TTC21B: variants seen among roughly 807,000 people sequenced by gnomAD.
TTC21B encodes tetratricopeptide repeat domain 21B, also known as tetratricopeptide repeat protein 21B.
TTC21B carries 127 observed loss-of-function variants against 175.1 expected under a neutral mutation model. The ratio of observed to expected loss-of-function variants is 0.73; its 90% confidence interval spans 0.63 to 0.84. The LOEUF (loss-of-function observed/expected upper bound fraction) is 0.84. Ranked by LOEUF, TTC21B falls within the 40% of genes least tolerant of loss-of-function variation. The pLI, the probability that TTC21B is intolerant of heterozygous loss-of-function variation, is 0.00. For missense variants in TTC21B, 1,561 were observed against 1,558.3 expected (o/e 1.00, Z -0.03); for synonymous variants, 524 against 524.5 (o/e 1.00, Z 0.01).
intron 25 of TTC21B, among the ~76,000 whole-genome samples, chr2:165,887,455 G>A (rs1202544265): frequency 3.3e-5 from 5 of 152,046 alleles, no homozygotes; most frequent in African/African-American, 1.2e-4. Context: ...GGAGGAGGCC[G>A]AGATAGGCGG....
intron 19 of TTC21B, among the ~76,000 whole-genome samples, chr2:165,904,331 T>C (rs1403280233): frequency 1.3e-5 from 2 of 152,156 alleles, no homozygotes; most frequent in African/African-American, 4.8e-5. Flanking sequence ...ATTTTAATGA[T>C]ATCATAAACT....
At chr2:165,878,639 C>G (rs1684745688) in intron 27 of TTC21B, among the ~76,000 whole-genome samples, 1 of 150,514 alleles carries the variant, frequency 6.6e-6, no homozygotes, top group Non-Finnish European at 1.5e-5. Context: ...CTTATAGTGA[C>G]AATATTCAAC....
At position 165,911,753 on chromosome 2, in the gene TTC21B, T is replaced by C. The variant is rs7557256; in HGVS notation, c.2323-288A>G. Among the ~76,000 whole-genome samples, 150,814 of 151,964 alleles carry C rather than the reference T, an allele frequency of 0.99. 74,840 individuals are homozygous for C. The highest frequency in any genetic ancestry group is 1 in the Middle Eastern group (294 of 294). ...TCTCAGCTCACTGCAACCTCTGCCT[T>C]CCAAGTTCAAGCAATTCTCCTGCCT... On this transcript the variant is annotated intron_variant, in intron 17 of 28. Transcript: ENST00000243344.
At chr2:165,885,229 A>C (rs1234992438) in intron 25 of TTC21B, among the ~76,000 whole-genome samples, 1 of 152,218 alleles carries the variant, frequency 6.6e-6, no homozygotes, top group Non-Finnish European at 1.5e-5. Context: ...GTATACTATA[A>C]GATAGCAAAT....
intron 22 of TTC21B, among the ~76,000 whole-genome samples, chr2:165,897,190 AG>A (rs1263599551): frequency 6.6e-6 from 1 of 152,222 alleles, no homozygotes; most frequent in Non-Finnish European, 1.5e-5. Context: ...TAGAATTTTC[AG>A]GGGTATCTCT....
Position 165,900,679 on chromosome 2 carries a change from TA to T in TTC21B, c.2758-800del, listed in dbSNP as rs200829519. Among the ~76,000 whole-genome samples the T allele has an allele frequency of 9.7e-3, 1,476 of 152,296 alleles. 24 individuals carry two copies. Among genetic ancestry groups the T allele is most frequent in the African/African-American group, 0.034 (1,401 of 41,572 alleles). On this transcript the variant is annotated intron_variant, in intron 20 of 28. Transcript: ENST00000243344. ...AAATACAGAGTGTACAACAGCTGTT[TA>T]GTAAAAGGAACTGAATTATCTAAAT...
chr2:165,906,099 A>G (rs995084735), intron 19 of TTC21B, among the ~76,000 whole-genome samples: 4 of 152,234 alleles, frequency 2.6e-5, no homozygotes, highest in African/African-American at 9.6e-5. Context: ...TCCAAGAAGC[A>G]ATCAAAGTGA....
intron 26 of TTC21B, among the ~76,000 whole-genome samples, chr2:165,882,567 C>T (rs189479777): frequency 1.3e-4 from 20 of 152,232 alleles, no homozygotes; most frequent in Non-Finnish European, 2.1e-4. Context: ...TAGCTTCCTT[C>T]ATCATCTGGT....
At chr2:165,882,739 A>C (rs1684877689) in intron 26 of TTC21B, among the ~76,000 whole-genome samples, 1 of 152,224 alleles carries the variant, frequency 6.6e-6, no homozygotes, top group Non-Finnish European at 1.5e-5. Flanking sequence ...AAGCTTCTAA[A>C]GCAGCCATCA....
Position 165,876,171 on chromosome 2 carries a change from A to G in TTC21B, c.3867T>C (p.Cys1289=). 6.3e-7 allele frequency: 1 copy of G among 1,593,196 alleles called. No individual in the cohort carries two copies. Among genetic ancestry groups the G allele is most frequent in the Non-Finnish European group, 8.6e-7 (1 of 1,163,190 alleles). ...AKRYVDSIDI[C]HQVLEAHPTY... is the part of the protein sequence containing the mutation. Reference sequence around the variant, plus strand: ...TCTAAATTTAAGTGTTTACCTGGTGACATATGTCAATTGAATCCACATATC... The same window carrying G: ...TCTAAATTTAAGTGTTTACCTGGTGGCATATGTCAATTGAATCCACATATC... Residue 1289 remains cysteine (C), a synonymous_variant, in exon 28 of 29, where the codon TGT becomes TGC. Coordinates refer to ENST00000243344, the MANE Select transcript of TTC21B (RefSeq NM_024753.5).
intron 19 of TTC21B, among the ~76,000 whole-genome samples, chr2:165,904,255 C>A: frequency 6.6e-6 from 1 of 152,108 alleles, no homozygotes; most frequent in Non-Finnish European, 1.5e-5. Context: ...TCATGTGATT[C>A]AGAAAATAAG....
At chr2:165,947,521 A>G (rs1188927798) in intron 3 of TTC21B, 1 of 151,974 alleles carries the variant, frequency 6.6e-6, no homozygotes, top group Non-Finnish European at 1.5e-5. Context: ...GTGTTCATTA[A>G]ACAGCCATGA....
rs1183178699 is a variant in TTC21B, at chr2:165,927,047, TATATATATATATCCTA to T, written c.1386+2072_1386+2087del. Among the ~76,000 whole-genome samples the T allele has an allele frequency of 4.1e-4, 39 of 95,674 alleles. 9 individuals are homozygous for T. Among genetic ancestry groups the T allele is most frequent in the African/African-American group, 1.8e-3 (39 of 21,266 alleles). The allele number at this position is 95,674 out of a possible 152,430, so 62.8% of individuals were successfully genotyped here. A position where few individuals can be genotyped will look rare whatever the true frequency, so the allele number is the denominator to read the frequency against. On this transcript the variant is annotated intron_variant, in intron 11 of 28. Transcript: ENST00000243344. ...TAGTAGTTATATATATATATATGTGTATATATATATATCCTAGTAGATATATATATATATATATCCT... is the reference window on the plus strand; with the variant it reads ...TAGTAGTTATATATATATATATGTGTGTAGATATATATATATATATATCCT...
chr2:165,915,485 A>C (rs926469361), intron 14 of TTC21B, 46 bp from the exon 15 acceptor site: 1 of 1,376,928 alleles, frequency 7.3e-7, no homozygotes, highest in African/African-American at 1.4e-5. Context: ...AATAGTGAAC[A>C]AATAACACTA....
intron 19 of TTC21B, among the ~76,000 whole-genome samples, chr2:165,903,571 G>A (rs1245131183): frequency 5.9e-5 from 9 of 152,164 alleles, no homozygotes. Context: ...TCAATCAGGA[G>A]GCTACTTCAG....
intron 15 of TTC21B, 77 bp from the exon 16 acceptor site, chr2:165,913,723 A>C (rs1281007227): frequency 7.8e-7 from 1 of 1,280,620 alleles, no homozygotes; most frequent in Non-Finnish European, 1.1e-6. Flanking sequence ...ATAAAAAATA[A>C]GCTCCCTTAT....
chr2:165,892,061 T>G (rs932347616), intron 22 of TTC21B, among the ~76,000 whole-genome samples: 1 of 152,168 alleles, frequency 6.6e-6, no homozygotes, highest in African/African-American at 2.4e-5. Context: ...TAAACAATCT[T>G]CTAAAACGTG....
rs981037740 is a variant in TTC21B at position 165,898,151 on chromosome 2, C to T, written c.2950+535G>A. ...ATTTATTTACAGCAGGAAGATGTCA[C>T]AGCACAGTTCCATGCTGATTAGAAA... On this transcript the variant is annotated intron_variant, in intron 22 of 28. Transcript: ENST00000243344. Among the ~76,000 whole-genome samples, 13 of 152,224 alleles carry T rather than the reference C, an allele frequency of 8.5e-5. No individual in the cohort carries two copies. In the East Asian group the frequency reaches 2.3e-3, roughly 27 times the overall value.
At chr2:165,876,549 A>G (rs1356415460) in intron 27 of TTC21B, among the ~76,000 whole-genome samples, 1 of 152,206 alleles carries the variant, frequency 6.6e-6, no homozygotes, top group Non-Finnish European at 1.5e-5. Context: ...TATAGTAAAA[A>G]CTCATCATAG....
Sources: allele counts gnomAD v4.1 joint callset (sites outside exome capture counted in the v4.1 genomes callset), GRCh38; gene constraint gnomAD v4.1.1; transcripts MANE v1.5; gene names NCBI Gene and HGNC (gene_info 2026-07-23, HGNC 2026-07-21).